Variants in PLXNA4 observed in about 807,000 individuals in gnomAD.
PLXNA4 encodes the protein plexin-A4.
A neutral mutation model predicts 191.8 loss-of-function variants in PLXNA4; 44 were observed. The observed-to-expected ratio is 0.23, with a 90% CI of 0.18 to 0.29. The LOEUF (loss-of-function observed/expected upper bound fraction) is 0.29, where lower values mean the gene tolerates loss of function less well. Ranked by LOEUF, PLXNA4 falls within the 10% of genes least tolerant of loss-of-function variation. The pLI is 1.00. For synonymous variants in PLXNA4, 1,082 were observed against 1,009.5 expected (o/e 1.07, Z -1.36); for missense variants, 1,800 against 2,488.8 (o/e 0.72, Z 5.89).
intron 4 of PLXNA4, among the ~76,000 whole-genome samples, chr7:132,282,699 C>G: frequency 7.4e-6 from 1 of 136,008 alleles, no homozygotes; most frequent in Admixed American, 7.9e-5. Context: ...CTTTCTTCAT[C>G]GGAGAGTGTT....
intron 2 of PLXNA4, among the ~76,000 whole-genome samples, chr7:132,642,049 T>C (rs559262731): frequency 2.6e-5 from 4 of 152,276 alleles, no homozygotes; most frequent in African/African-American, 9.6e-5. Flanking sequence ...GCAGTTTGAG[T>C]TTTTAATAAA....
At chr7:132,273,600 G>C (rs1431932150) in intron 4 of PLXNA4, among the ~76,000 whole-genome samples, 1 of 152,168 alleles carries the variant, frequency 6.6e-6, no homozygotes, top group Non-Finnish European at 1.5e-5. Context: ...AAAGAGGAGA[G>C]GGGAGGTAGA....
chr7:132,241,044 G>T, intron 5 of PLXNA4, 22 bp downstream of exon 5: 4 of 1,553,280 alleles, frequency 2.6e-6, no homozygotes, highest in Non-Finnish European at 3.5e-6. Context: ...GAGGCACGAG[G>T]CAGCCTCCCC....
intron 3 of PLXNA4, among the ~76,000 whole-genome samples, chr7:132,334,324 C>A (rs1248465064): frequency 1.4e-5 from 2 of 140,752 alleles, no homozygotes; most frequent in African/African-American, 5.4e-5. Context: ...GTGGCCCAGT[C>A]GCAGCTCACT....
At chr7:132,479,321 C>T (rs1023762626) in intron 3 of PLXNA4, among the ~76,000 whole-genome samples, 2 of 151,648 alleles carry the variant, frequency 1.3e-5, no homozygotes, top group Non-Finnish European at 2.9e-5. Flanking sequence ...CTAGGTGAGG[C>T]ACTGGGAGTG....
intron 7 of PLXNA4, 119 bp from the exon 8 acceptor site, chr7:132,226,379 G>A (rs1798323588): frequency 1.3e-6 from 1 of 781,462 alleles, no homozygotes; most frequent in Non-Finnish European, 2.1e-6. Flanking sequence ...TGGCTTAACA[G>A]GGCTCTGACT....
intron 4 of PLXNA4, among the ~76,000 whole-genome samples, chr7:132,284,554 C>T (rs2880161): frequency 0.88 from 134,041 of 152,132 alleles, 59,477 homozygotes; most frequent in East Asian, 1. Flanking sequence ...CCAAAGGCCA[C>T]GTCTCAGGGA....
At chr7:132,322,017 A>G (rs564815383) in intron 3 of PLXNA4, among the ~76,000 whole-genome samples, 1 of 152,230 alleles carries the variant, frequency 6.6e-6, no homozygotes, top group East Asian at 1.9e-4. Context: ...TAGCAGTGAG[A>G]AAAAAACAAA....
At chr7:132,263,206 G>T (rs186424760) in intron 4 of PLXNA4, among the ~76,000 whole-genome samples, 12 of 152,294 alleles carry the variant, frequency 7.9e-5, no homozygotes, top group Admixed American at 6.5e-4. Context: ...GATGCAAAAT[G>T]GGAACTTCTG....
At chr7:132,359,209 CTTTTTTT>C (rs57415453) in intron 3 of PLXNA4, among the ~76,000 whole-genome samples, 2 of 110,900 alleles carry the variant, frequency 1.8e-5, no homozygotes, top group Non-Finnish European at 3.5e-5. Context: ...GTCAAGGCTG[CTTTTTTT>C]TTTTTTTTTT....
rs149936129 is a variant in PLXNA4 at position 132,173,096 on chromosome 7, C to T, written c.4017+1682G>A. Among the ~76,000 whole-genome samples, 54 of 152,312 alleles carry T rather than the reference C, an allele frequency of 3.5e-4. 1 individual carries two copies. The East Asian group carries it at 6.2e-3, about 17-fold the overall frequency. ...AAATAAGGTACATGCACAGTCTACACATCCAATCATACACACACACGTGCA... is the reference window on the plus strand; with the variant it reads ...AAATAAGGTACATGCACAGTCTACATATCCAATCATACACACACACGTGCA... On this transcript the variant is annotated intron_variant, in intron 21 of 31. Coordinates refer to ENST00000321063, the MANE Select transcript of PLXNA4 (RefSeq NM_020911.2).
At chr7:132,648,212 C>G (rs987334878) in intron 1 of PLXNA4, among the ~76,000 whole-genome samples, 1 of 152,210 alleles carries the variant, frequency 6.6e-6, no homozygotes, top group East Asian at 1.9e-4. Context: ...TATGCATACA[C>G]TTACACACTC....
At position 132,208,757 on chromosome 7, in the gene PLXNA4, T is replaced by C. The variant is rs1205988896; in HGVS notation, c.2298+2186A>G. On this transcript the variant is annotated intron_variant, in intron 10 of 31. Coordinates refer to ENST00000321063, the MANE Select transcript of PLXNA4 (RefSeq NM_020911.2). ...CCCGACAGACAGACTGTGCGCACAC[T>C]GGAGCCCAGCCGTTCCCTTCCTTTT... Among the ~76,000 whole-genome samples the C allele has an allele frequency of 2.6e-5, 4 of 152,146 alleles. No individual in the cohort carries two copies. The East Asian group carries it at 7.7e-4, about 29-fold the overall frequency.
chr7:132,610,578 T>G (rs553091851), intron 2 of PLXNA4, among the ~76,000 whole-genome samples: 1 of 152,386 alleles, frequency 6.6e-6, no homozygotes, highest in South Asian at 2.1e-4. Context: ...CTCTGCTGTC[T>G]GCAGCAACCT....
chr7:132,266,815 G>A (rs1037461169), intron 4 of PLXNA4, among the ~76,000 whole-genome samples: 17 of 152,108 alleles, frequency 1.1e-4, no homozygotes, highest in African/African-American at 3.4e-4. Context: ...ACATTTCTAG[G>A]GTACAGTCTG....
chr7:132,505,407 G>C (rs541436770), intron 2 of PLXNA4, among the ~76,000 whole-genome samples: 3 of 152,328 alleles, frequency 2.0e-5, no homozygotes, highest in African/African-American at 7.2e-5. Flanking sequence ...CGCCCAAAAA[G>C]TCAGGGTTTT....
At position 132,129,174 on chromosome 7, in the gene PLXNA4, G is replaced by A. The variant is rs1272805657; in HGVS notation, c.*1305C>T. 6.6e-6 allele frequency: 1 copy of A among 152,266 alleles called. No individual in the cohort carries two copies. Among genetic ancestry groups the A allele is most frequent in the Non-Finnish European group, 1.5e-5 (1 of 68,062 alleles). The allele number at this position is 152,266 out of a possible 1,614,324, so 9.4% of individuals were successfully genotyped here. On this transcript the variant is annotated 3_prime_UTR_variant, in exon 32 of 32. Coordinates refer to ENST00000321063, the MANE Select transcript of PLXNA4 (RefSeq NM_020911.2). ...TCCCTCCCAGATCTGACAAGCTGGA[G>A]GCTGAGGTTGGCTGGCATTTTGGGC...
chr7:132,386,859 A>G (rs1167060536), intron 3 of PLXNA4, among the ~76,000 whole-genome samples: 1 of 152,212 alleles, frequency 6.6e-6, no homozygotes, highest in Non-Finnish European at 1.5e-5. Context: ...ACTGCAAAGC[A>G]CATCACATGT....
chr7:132,214,495 C>T (rs13227818), intron 9 of PLXNA4, among the ~76,000 whole-genome samples: 79,267 of 151,696 alleles, frequency 0.52, 21,833 homozygotes, highest in African/African-American at 0.67. Context: ...AAATGTAAAA[C>T]GGCAATTTCT....
Sources: allele counts gnomAD v4.1 joint callset (sites outside exome capture counted in the v4.1 genomes callset), GRCh38; gene constraint gnomAD v4.1.1; transcripts MANE v1.5; gene names NCBI Gene and HGNC (gene_info 2026-07-23, HGNC 2026-07-21).